The following MAPKAP1 variants were observed in gnomAD, a reference collection of about 807,000 sequenced individuals.
MAPKAP1 encodes the protein target of rapamycin complex 2 subunit MAPKAP1.
MAPKAP1 carries 20 observed loss-of-function variants against 65.7 expected under a neutral mutation model. The observed-to-expected ratio is 0.30, with a 90% CI of 0.21 to 0.44. The LOEUF (loss-of-function observed/expected upper bound fraction) is 0.44. Ranked by LOEUF, MAPKAP1 falls within the 20% of genes least tolerant of loss-of-function variation. The pLI is 1.00. For synonymous variants in MAPKAP1, 222 were observed against 244.3 expected, an observed-to-expected ratio of 0.91 and a Z score of 0.85; for missense variants, 423 against 648.0, an observed-to-expected ratio of 0.65 and a Z score of 3.77.
At chr9:125,463,621 G>A (rs1047200296) in intron 10 of MAPKAP1, among the ~76,000 whole-genome samples, 10 of 152,154 alleles carry the variant, frequency 6.6e-5, no homozygotes, top group Admixed American at 2.0e-4. Flanking sequence ...TAACCCCAAA[G>A]AGTTCCTATC....
chr9:125,460,551 T>C (rs1186935549), intron 10 of MAPKAP1, among the ~76,000 whole-genome samples: 1 of 152,174 alleles, frequency 6.6e-6, no homozygotes, highest in Non-Finnish European at 1.5e-5. Flanking sequence ...TGATGACGAA[T>C]ATGGGAGGTG....
At chr9:125,695,289 G>A (rs1031612068) in intron 1 of MAPKAP1, among the ~76,000 whole-genome samples, 7 of 152,254 alleles carry the variant, frequency 4.6e-5, no homozygotes, top group South Asian at 2.1e-4. Context: ...CTCACCCCAC[G>A]CCGGTAAAGA....
At chr9:125,488,696 T>A (rs1041251653) in intron 8 of MAPKAP1, among the ~76,000 whole-genome samples, 1 of 151,998 alleles carries the variant, frequency 6.6e-6, no homozygotes, top group Non-Finnish European at 1.5e-5. Context: ...GTTGGAGGGG[T>A]CATGTCTATT....
At chr9:125,485,453 TG>T (rs1478536374) in intron 8 of MAPKAP1, among the ~76,000 whole-genome samples, 2 of 152,276 alleles carry the variant, frequency 1.3e-5, no homozygotes, top group African/African-American at 4.8e-5. Context: ...CACGGCCTCC[TG>T]AATGAAGAAC....
chr9:125,657,630 C>T (rs1188581294), intron 4 of MAPKAP1, 21 bp downstream of exon 4: 1 of 1,590,226 alleles, frequency 6.3e-7, no homozygotes, highest in Non-Finnish European at 8.6e-7. Flanking sequence ...CTTAAAGGGA[C>T]AAAGTCTCAT....
In MAPKAP1 at chr9:125,439,715, C is replaced by T. The variant is rs529226538; in HGVS notation, c.1444-703G>A. Among the ~76,000 whole-genome samples, 1 of 152,304 alleles carries T rather than the reference C, an allele frequency of 6.6e-6. No homozygotes were observed. Among genetic ancestry groups the T allele is most frequent in the South Asian group, 2.1e-4 (1 of 4,828 alleles). ...CTTCCACGAAGCCCTGGGAGTCTGC[C>T]CGGAGTCGCATGTGCATCTTCCACT... On this transcript the variant is annotated intron_variant, in intron 11 of 11. Transcript: ENST00000265960. The surrounding 1 kb of genome is among the most constrained non-coding windows in gnomAD (Gnocchi z 4.0).
chr9:125,448,462 A>T (rs1852802648), intron 10 of MAPKAP1, among the ~76,000 whole-genome samples: 1 of 152,216 alleles, frequency 6.6e-6, no homozygotes, highest in South Asian at 2.1e-4. Context: ...ACTGAACAAA[A>T]GAACACCTGT....
In MAPKAP1 at chr9:125,667,720, C is replaced by A. The variant is rs74472026; in HGVS notation, c.349+2098G>T. On this transcript the variant is annotated intron_variant, in intron 3 of 11. Transcript: ENST00000265960. ...AGCCACAGTGCCTGGCCTCACTGTGCGTTTTATTTATAATTTTTTAAGCTA... is the reference window on the plus strand; with the variant it reads ...AGCCACAGTGCCTGGCCTCACTGTGAGTTTTATTTATAATTTTTTAAGCTA... Among the ~76,000 whole-genome samples, 652 of 151,910 alleles carry A rather than the reference C, an allele frequency of 4.3e-3. 6 individuals carry two copies. Among genetic ancestry groups the A allele is most frequent in the African/African-American group, 0.015 (610 of 41,418 alleles).
chr9:125,686,937 C>T (rs995535281), intron 1 of MAPKAP1, among the ~76,000 whole-genome samples: 11 of 152,056 alleles, frequency 7.2e-5, no homozygotes, highest in African/African-American at 2.7e-4. Flanking sequence ...AGTGATTCTC[C>T]TGCCTCAGCC....
At chr9:125,652,764 C>G (rs952905886) in intron 4 of MAPKAP1, among the ~76,000 whole-genome samples, 1 of 152,120 alleles carries the variant, frequency 6.6e-6, no homozygotes, top group South Asian at 2.1e-4. Flanking sequence ...AAAAAAATAG[C>G]CAATCCCCCA....
At chr9:125,456,948 G>A (rs1162165031) in intron 10 of MAPKAP1, among the ~76,000 whole-genome samples, 1 of 151,700 alleles carries the variant, frequency 6.6e-6, no homozygotes, top group Non-Finnish European at 1.5e-5. Context: ...GTAATGCACT[G>A]ATCTTTTTTC....
intron 9 of MAPKAP1, among the ~76,000 whole-genome samples, chr9:125,468,790 T>C (rs1853782405): frequency 6.6e-6 from 1 of 152,162 alleles, no homozygotes; most frequent in Non-Finnish European, 1.5e-5. Flanking sequence ...CGGCACTGGG[T>C]GTGAGTTTTA....
chr9:125,645,090 A>T (rs1043689772), intron 4 of MAPKAP1, among the ~76,000 whole-genome samples: 3 of 152,178 alleles, frequency 2.0e-5, no homozygotes, highest in Non-Finnish European at 4.4e-5. Flanking sequence ...CATAAAAAGT[A>T]ACCGTCACCA....
At chr9:125,440,634 C>T (rs932027613) in intron 11 of MAPKAP1, among the ~76,000 whole-genome samples, 2 of 152,146 alleles carry the variant, frequency 1.3e-5, no homozygotes, top group African/African-American at 2.4e-5. Flanking sequence ...GCCGAGGCTT[C>T]AACACTGTCC....
chr9:125,597,877 T>C (rs1372912220), intron 4 of MAPKAP1, among the ~76,000 whole-genome samples: 1 of 152,198 alleles, frequency 6.6e-6, no homozygotes, highest in Admixed American at 6.5e-5. Context: ...GACCAAAGGA[T>C]GCTATATTCT....
intron 1 of MAPKAP1, among the ~76,000 whole-genome samples, chr9:125,690,373 T>C (rs1835130787): frequency 6.6e-6 from 1 of 152,210 alleles, no homozygotes; most frequent in Admixed American, 6.5e-5. Context: ...CCCTTTGCAG[T>C]GGAGGAAGCC....
chr9:125,649,128 G>C (rs1833817428), intron 4 of MAPKAP1, among the ~76,000 whole-genome samples: 1 of 152,078 alleles, frequency 6.6e-6, no homozygotes, highest in Non-Finnish European at 1.5e-5. Context: ...GCAGAGCAAA[G>C]TACCCCAGGA....
chr9:125,571,207 G>A (rs1042942796), intron 5 of MAPKAP1, among the ~76,000 whole-genome samples: 3 of 152,194 alleles, frequency 2.0e-5, no homozygotes, highest in Non-Finnish European at 2.9e-5. Flanking sequence ...CTTAGTGTAT[G>A]TAATTAATCA....
chr9:125,565,625 G>C (rs1831026688), intron 5 of MAPKAP1: 25 of 382,386 alleles, frequency 6.5e-5, no homozygotes, highest in South Asian at 5.1e-4. Flanking sequence ...TCTGAAATCA[G>C]AGAAAAGGCG....
Sources: gnomAD v4.1 joint callset for allele counts (sites outside exome capture counted in the v4.1 genomes callset) on GRCh38, gnomAD v4.1.1 for gene constraint, Gnocchi (gnomAD v3.1) non-coding constraint, MANE v1.5 for transcripts, NCBI Gene and HGNC (gene_info 2026-07-23, HGNC 2026-07-21) for gene names.